MYLK2: variants seen among roughly 807,000 people sequenced by gnomAD.
The protein encoded by MYLK2 is myosin light chain kinase 2.
MYLK2 carries 27 observed loss-of-function variants against 58.2 expected under a neutral mutation model. The ratio of observed to expected loss-of-function variants is 0.46; its 90% CI spans 0.34 to 0.64. MYLK2 has a LOEUF of 0.64. Among genes scored for constraint, MYLK2 ranks in the 30% least tolerant of loss-of-function variants. The probability of loss-of-function intolerance (pLI) is 0.01; values close to 1 mark genes in which losing one functional copy is unlikely to be tolerated. For synonymous variants in MYLK2, 310 were observed against 296.7 expected, an observed-to-expected ratio of 1.04 and a Z score of -0.46; for missense variants, 676 against 764.3, an observed-to-expected ratio of 0.88 and a Z score of 1.36.
chr20:31,826,821 G>A lies in MYLK2; in HGVS notation c.1107G>A (p.Glu369=), dbSNP rs2062282690. 1 of 1,614,046 alleles carries A rather than the reference G, an allele frequency of 6.2e-7. No individual in the cohort carries two copies. The part of the protein sequence containing the change: ...MEYIEGGELF[E]RIVDEDYHLT... ...GCATCGAGGGCGGAGAGCTCTTCGA[G>A]AGGATTGTGGATGAGGACTACCATC... Residue 369 remains glutamate, a synonymous_variant, in exon 8 of 13, where the codon GAG becomes GAA. Transcript: ENST00000375985.
chr20:31,827,361 A>C (rs2062286041), intron 8 of MYLK2: 3 of 985,188 alleles, frequency 3.0e-6, no homozygotes, highest in East Asian at 1.1e-4. Context: ...TTGAGGGCCT[A>C]CTTTATGCCA....
At chr20:31,821,779 AG>A in intron 4 of MYLK2, 42 bp downstream of exon 4, 1 of 1,252,398 alleles carries the variant, frequency 8.0e-7, no homozygotes, top group Non-Finnish European at 1.1e-6. Context: ...CCCTGGGGCC[AG>A]GGGGAGGGAA....
intron 8 of MYLK2, among the ~76,000 whole-genome samples, chr20:31,830,121 G>A (rs777248309): frequency 5.9e-5 from 9 of 152,332 alleles, no homozygotes; most frequent in Non-Finnish European, 8.8e-5. Flanking sequence ...AACTGTGGCC[G>A]AGTCACTTCT....
Position 31,824,365 on chromosome 20 carries a change from CG to C in MYLK2, c.972+18del, listed in dbSNP as rs1223978472. ...TCCCAAAGACAAGGTAGTGAGGTTG[CG>C]GGGGTGGTGGCTGCCCAGGATGGGG... On this transcript the variant is annotated intron_variant, in intron 6 of 12. Transcript: ENST00000375985. The C allele has an allele frequency of 3.7e-6, 6 of 1,604,468 alleles. No individual in the cohort carries two copies. Among genetic ancestry groups the C allele is most frequent in the Non-Finnish European group, 5.1e-6 (6 of 1,174,566 alleles).
chr20:31,831,483 T>C (rs1047839825), intron 10 of MYLK2, among the ~76,000 whole-genome samples: 1 of 152,056 alleles, frequency 6.6e-6, no homozygotes, highest in Non-Finnish European at 1.5e-5. Context: ...GGGATGATTA[T>C]GCCCATTTTA....
At chr20:31,824,452 C>G (rs1051179578) in intron 6 of MYLK2, 100 bp downstream of exon 6, 55 of 1,545,514 alleles carry the variant, frequency 3.6e-5, no homozygotes, top group Non-Finnish European at 5.2e-6. Context: ...AACCTGGGGC[C>G]TGGTATGGGA....
rs1205344492 is a variant in MYLK2 at position 31,824,248 on chromosome 20, T to A, written c.879-11T>A. Reference sequence around the variant, plus strand: ...TGGGGTCCCCTCACTTACAGCCTCTTCTCTTTCCAGTGGCAAGTTTGGGGC... The same window carrying A: ...TGGGGTCCCCTCACTTACAGCCTCTACTCTTTCCAGTGGCAAGTTTGGGGC... On this transcript the variant is annotated splice_polypyrimidine_tract_variant and intron_variant, in intron 5 of 12. Coordinates refer to ENST00000375985, the MANE Select transcript of MYLK2 (RefSeq NM_033118.4). 3 of 1,612,476 alleles carry A rather than the reference T, an allele frequency of 1.9e-6. No individual in the cohort carries two copies. Among genetic ancestry groups the A allele is most frequent in the Admixed American group, 3.3e-5 (2 of 59,852 alleles).
At chr20:31,822,884 C>T (rs1185726240) in intron 4 of MYLK2, among the ~76,000 whole-genome samples, 1 of 152,216 alleles carries the variant, frequency 6.6e-6, no homozygotes, top group Non-Finnish European at 1.5e-5. Context: ...CCCGGCTTCC[C>T]TGCCGCCTCT....
At chr20:31,819,700 A>G (rs569261012) in intron 2 of MYLK2, 68 bp downstream of exon 2, 1 of 1,528,886 alleles carries the variant, frequency 6.5e-7, no homozygotes, top group East Asian at 2.5e-5. Flanking sequence ...AGGACTGGGC[A>G]GGTTCCTCAG....
intron 12 of MYLK2, among the ~76,000 whole-genome samples, chr20:31,832,955 A>G (rs1348590461): frequency 6.6e-6 from 1 of 152,148 alleles, no homozygotes; most frequent in Non-Finnish European, 1.5e-5. Context: ...TGGCGCTATC[A>G]TGGCTCACTG....
intron 4 of MYLK2, among the ~76,000 whole-genome samples, chr20:31,822,616 G>T (rs2062256900): frequency 6.6e-6 from 1 of 152,122 alleles, no homozygotes; most frequent in African/African-American, 2.4e-5. Flanking sequence ...TGGGGGTGGG[G>T]TGAGATGGGG....
intron 8 of MYLK2, chr20:31,827,142 A>T: frequency 1.0e-6 from 1 of 984,624 alleles, no homozygotes; most frequent in Non-Finnish European, 1.2e-6. Context: ...AGGGGGGGAA[A>T]AAAAAAAGAC....
chr20:31,821,393 A>G (rs777420697), intron 3 of MYLK2, 46 bp from the exon 4 acceptor site: 14 of 1,610,354 alleles, frequency 8.7e-6, no homozygotes, highest in African/African-American at 1.3e-5. Context: ...CTGATGCCAC[A>G]GGCTGTGGCC....
At chr20:31,831,973 G>GCC in intron 11 of MYLK2, 31 bp from the exon 12 acceptor site, 1 of 1,612,444 alleles carries the variant, frequency 6.2e-7, no homozygotes, top group Non-Finnish European at 8.5e-7. Context: ...CGAGCATGCA[G>GCC]CCCACCGTCA....
chr20:31,825,092 G>C (rs1304472789), intron 6 of MYLK2, among the ~76,000 whole-genome samples: 3 of 152,226 alleles, frequency 2.0e-5, no homozygotes, highest in African/African-American at 4.8e-5. Context: ...AGCAGGAGGT[G>C]CTGGGGAGTG....
rs1325284328 is a variant in MYLK2, at chr20:31,831,768, G to A, written c.1490G>A (p.Gly497Asp). 1 of 1,614,032 alleles carries A rather than the reference G, an allele frequency of 6.2e-7. No individual in the cohort carries two copies. Among genetic ancestry groups the A allele is most frequent in the South Asian group, 1.1e-5 (1 of 91,080 alleles). ...GAGACCCTAAACAACGTTCTATCTG[G>A]CAACTGGTACTTTGATGAAGAGACC... is the stretch of plus-strand genomic sequence containing the variant. ...DTETLNNVLS[G>D]NWYFDEETFE... The change falls in exon 11 of 13, where the codon GGC becomes GAC. Residue 497 changes from glycine to aspartate, a missense_variant. By Grantham distance (94) the Gly-to-Asp change is moderately conservative (BLOSUM62 -1). This residue lies in a region of MYLK2 where 370 missense variants were observed against 467.8 expected (regional missense o/e 0.79). Coordinates refer to ENST00000375985, the MANE Select transcript of MYLK2 (RefSeq NM_033118.4).
At chr20:31,822,977 C>A (rs986283026) in intron 4 of MYLK2, among the ~76,000 whole-genome samples, 5 of 152,152 alleles carry the variant, frequency 3.3e-5, no homozygotes, top group African/African-American at 1.2e-4. Context: ...CCACACTTGC[C>A]GCTAGGTGGC....
In MYLK2 at chr20:31,820,347, G is replaced by A. The variant is rs2123126204; in HGVS notation, c.274G>A (p.Gly92Arg). The A allele has an allele frequency of 6.2e-7, 1 of 1,612,844 alleles. No homozygotes were observed. Among genetic ancestry groups the A allele is most frequent in the Non-Finnish European group, 8.5e-7 (1 of 1,179,834 alleles). ...RGGGPAEGSA[G>R]PPAALPQQTA... ...CGGGGGGCCCGCGGAGGGCAGTGCTGGGCCCCCGGCAGCCCTGCCCCAGCA... is the reference window on the plus strand; with the variant it reads ...CGGGGGGCCCGCGGAGGGCAGTGCTAGGCCCCCGGCAGCCCTGCCCCAGCA... Residue 92 changes from glycine (G) to arginine (R), a missense_variant, in exon 3 of 13, where the codon GGG becomes AGG. Physicochemically the swap from Gly to Arg is moderately radical, Grantham distance 125. Transcript: ENST00000375985.
intron 10 of MYLK2, 144 bp downstream of exon 10, chr20:31,831,285 A>G: frequency 2.4e-6 from 3 of 1,247,384 alleles, no homozygotes; most frequent in Non-Finnish European, 3.4e-6. Context: ...TGGGAGTGCT[A>G]GGGAGAACAG....
Sources: gnomAD v4.1 joint callset for allele counts (sites outside exome capture counted in the v4.1 genomes callset) on GRCh38, gnomAD v4.1.1 for gene constraint, gnomAD v4.1.1 regional missense constraint, MANE v1.5 for transcripts, NCBI Gene and HGNC (gene_info 2026-07-23, HGNC 2026-07-21) for gene names.